STK3: variants seen among roughly 807,000 people sequenced by gnomAD.
STK3 encodes serine/threonine-protein kinase 3.
Under a neutral mutation model 58.0 loss-of-function variants are expected in STK3, and 41 were observed. The observed-to-expected ratio is 0.71, with a 90% confidence interval of 0.55 to 0.92. The LOEUF (loss-of-function observed/expected upper bound fraction) is 0.92, where lower values mean the gene tolerates loss of function less well. Among genes scored for constraint, STK3 ranks in the 40% least tolerant of loss-of-function variants. The probability of loss-of-function intolerance (pLI) is 0.00; values close to 1 mark genes in which losing one functional copy is unlikely to be tolerated. For missense variants in STK3, 479 were observed against 602.7 expected (o/e 0.79, Z 2.15); for synonymous variants, 170 against 191.0 (o/e 0.89, Z 0.91).
intron 10 of STK3, among the ~76,000 whole-genome samples, chr8:98,482,044 A>T (rs2131283537): frequency 6.6e-6 from 1 of 152,336 alleles, no homozygotes; most frequent in South Asian, 2.1e-4. Flanking sequence ...AAATTCAAGG[A>T]ATTCAAATTT....
chr8:98,739,520 C>A (rs539850167), intron 4 of STK3, among the ~76,000 whole-genome samples: 3 of 149,478 alleles, frequency 2.0e-5, no homozygotes, highest in African/African-American at 5.0e-5. Context: ...TCCAACACAC[C>A]TGCAGCTGAG....
In STK3 at chr8:98,428,819, G is replaced by A. The variant is rs1818285279; in HGVS notation, n.483+5308C>T. 1 of 1,614,184 alleles carries A rather than the reference G, an allele frequency of 6.2e-7. No individual in the cohort carries two copies. Reference sequence around the variant, plus strand: ...ACATCACTCTGGTGGTGAACCTGGTGGTGGAGAGCACACCTACTTTAGCCA... The same window carrying A: ...ACATCACTCTGGTGGTGAACCTGGTAGTGGAGAGCACACCTACTTTAGCCA... On this transcript the variant is annotated intron_variant and non_coding_transcript_variant, in intron 3 of 3. Coordinates refer to the STK3 transcript ENST00000517832. This position sits in a 1 kb window ranked among gnomAD's most constrained non-coding sequence, Gnocchi z 6.7.
At chr8:98,495,744 T>TGTATA (rs1823083985) in intron 10 of STK3, among the ~76,000 whole-genome samples, 1 of 152,176 alleles carries the variant, frequency 6.6e-6, no homozygotes, top group Non-Finnish European at 1.5e-5. Context: ...TAGCAACAGA[T>TGTATA]TTACTACATA....
chr8:98,450,150 T>C (rs1015748444), downstream of STK3, among the ~76,000 whole-genome samples: 1 of 152,182 alleles, frequency 6.6e-6, no homozygotes, highest in African/African-American at 2.4e-5. Flanking sequence ...AAATTGAGCA[T>C]GATAGATTCT....
intron 1 of STK3, among the ~76,000 whole-genome samples, chr8:98,936,049 G>A (rs1840182345): frequency 6.6e-6 from 1 of 151,934 alleles, no homozygotes; most frequent in African/African-American, 2.4e-5. Context: ...CCCAAGTAGT[G>A]GGACTACAGG....
At chr8:98,797,493 T>A (rs567827877) in intron 1 of STK3, among the ~76,000 whole-genome samples, 40 of 152,288 alleles carry the variant, frequency 2.6e-4, no homozygotes, top group African/African-American at 9.4e-4. Flanking sequence ...GGTATGTCAT[T>A]ACACATCACT....
chr8:98,885,461 C>T (rs754267962), intron 1 of STK3, among the ~76,000 whole-genome samples: 2 of 152,022 alleles, frequency 1.3e-5, no homozygotes, highest in Non-Finnish European at 2.9e-5. Flanking sequence ...TTGTTTGAGA[C>T]GGAGTTTCAT....
intron 6 of STK3, among the ~76,000 whole-genome samples, chr8:98,638,970 T>C (rs1364013504): frequency 6.6e-6 from 1 of 152,116 alleles, no homozygotes; most frequent in Non-Finnish European, 1.5e-5. Context: ...TTAACAATAA[T>C]TAAAATGGGC....
intron 6 of STK3, chr8:98,633,522 G>A (rs1395029170): frequency 5.8e-6 from 4 of 692,354 alleles, no homozygotes; most frequent in South Asian, 1.5e-5. Context: ...GCTCAGGACT[G>A]AGTGCAAGTA....
chr8:98,509,642 A>T (rs1006002126), intron 10 of STK3, among the ~76,000 whole-genome samples: 2 of 151,922 alleles, frequency 1.3e-5, no homozygotes, highest in African/African-American at 4.8e-5. Flanking sequence ...TTCATCACAG[A>T]TTAAAACTTT....
At chr8:98,585,413 C>T (rs1246942012) in intron 7 of STK3, among the ~76,000 whole-genome samples, 27 of 151,374 alleles carry the variant, frequency 1.8e-4, no homozygotes, top group Admixed American at 9.9e-4. Flanking sequence ...TGTAGATATG[C>T]GGCATTATTT....
the STK3 span, among the ~76,000 whole-genome samples, chr8:98,346,908 C>G: frequency 1.3e-5 from 2 of 151,292 alleles, no homozygotes; most frequent in Admixed American, 6.6e-5. Context: ...GTGTATAAAA[C>G]TTTTCCTTAT....
chr8:98,852,286 A>C (rs1009860974), intron 3 of STK3, among the ~76,000 whole-genome samples: 14 of 151,974 alleles, frequency 9.2e-5, no homozygotes, highest in South Asian at 6.2e-4. Flanking sequence ...AGGTGCCCAC[A>C]CCATGCCTGG....
At chr8:98,694,640 G>A (rs1294614532) in intron 6 of STK3, among the ~76,000 whole-genome samples, 4 of 152,144 alleles carry the variant, frequency 2.6e-5, no homozygotes, top group African/African-American at 9.7e-5. Flanking sequence ...TGAGAATCAT[G>A]ATTTCCAACT....
At chr8:98,836,791 A>G (rs1023897813) in intron 3 of STK3, among the ~76,000 whole-genome samples, 1 of 152,210 alleles carries the variant, frequency 6.6e-6, no homozygotes, top group African/African-American at 2.4e-5. Context: ...TATCTACATC[A>G]GCAGATCTCA....
At chr8:98,752,629 C>T (rs1830052676) in intron 3 of STK3, among the ~76,000 whole-genome samples, 1 of 151,628 alleles carries the variant, frequency 6.6e-6, no homozygotes, top group Non-Finnish European at 1.5e-5. Context: ...AGCTTCTGTA[C>T]AGCAAAAGAA....
rs1360872050 is a variant in STK3, at chr8:98,630,074, G to A, written c.685-33905C>T. ...CCTTCTCACTAAAATCATGATAAAG[G>A]CTCTCCCCCATGATTTCCCTAGCTA... On this transcript the variant is annotated intron_variant, in intron 6 of 10. Transcript: ENST00000419617. 3.9e-5 allele frequency among the ~76,000 whole-genome samples: 6 copies of A among 151,990 alleles called. No homozygotes were observed. In the South Asian group the frequency reaches 1.2e-3, roughly 32 times the overall value.
At chr8:98,410,556 A>G (rs898952302) in intron 3 of STK3, among the ~76,000 whole-genome samples, 1 of 152,240 alleles carries the variant, frequency 6.6e-6, no homozygotes, top group African/African-American at 2.4e-5. Context: ...ACATTTACAA[A>G]TGGGTGGATA....
chr8:98,699,365 C>CA (rs1825324623), intron 6 of STK3, among the ~76,000 whole-genome samples: 1 of 152,232 alleles, frequency 6.6e-6, no homozygotes, highest in Non-Finnish European at 1.5e-5. Flanking sequence ...CTCAACTCGT[C>CA]AAAGTCATTC....
Sources: allele counts gnomAD v4.1 joint callset (sites outside exome capture counted in the v4.1 genomes callset), GRCh38; gene constraint gnomAD v4.1.1; non-coding constraint Gnocchi (gnomAD v3.1); transcripts MANE v1.5; gene names NCBI Gene and HGNC (gene_info 2026-07-23, HGNC 2026-07-21).